Variants in PIK3C2G observed in about 807,000 individuals in gnomAD.
The protein encoded by PIK3C2G is phosphatidylinositol-4-phosphate 3-kinase catalytic subunit type 2 gamma.
In PIK3C2G, 168 loss-of-function variants were observed where a neutral mutation model predicts 181.1. The ratio of observed to expected loss-of-function variants is 0.93; its 90% CI spans 0.82 to 1.05. PIK3C2G has a LOEUF of 1.05. Ranked by LOEUF, PIK3C2G falls within the 50% of genes least tolerant of loss-of-function variation. The pLI, the probability that PIK3C2G is intolerant of heterozygous loss-of-function variation, is 0.00. For synonymous variants in PIK3C2G, 573 were observed against 592.2 expected (o/e 0.97, Z 0.47); for missense variants, 1,869 against 1,732.8 (o/e 1.08, Z -1.40).
intron 14 of PIK3C2G, 80 bp downstream of exon 14, chr12:18,381,960 T>C (rs1201647571): frequency 5.8e-6 from 5 of 868,714 alleles, no homozygotes; most frequent in Non-Finnish European, 9.8e-6. Context: ...ATAGAAACAA[T>C]TTCTTCCAGG....
intron 14 of PIK3C2G, among the ~76,000 whole-genome samples, chr12:18,382,159 G>A (rs1942884800): frequency 6.6e-6 from 1 of 152,016 alleles, no homozygotes; most frequent in Non-Finnish European, 1.5e-5. Flanking sequence ...CTCATTATGG[G>A]CATTCATTTT....
chr12:18,589,393 G>C (rs1300013115), intron 29 of PIK3C2G, among the ~76,000 whole-genome samples: 2 of 152,004 alleles, frequency 1.3e-5, no homozygotes, highest in African/African-American at 2.4e-5. Context: ...CCTTGCAGGA[G>C]CTTTGCTCTA....
Position 18,491,497 on chromosome 12 carries a change from A to T in PIK3C2G, c.2732A>T (p.Asp911Val). The change falls in exon 20 of 33, where the codon GAT (aspartate) becomes GTT (valine). Residue 911 changes from aspartate to valine, a missense_variant. Asp to Val is a radical substitution (Grantham distance 152). Coordinates refer to ENST00000538779, the MANE Select transcript of PIK3C2G (RefSeq NM_001288772.2). The stretch of plus-strand genomic sequence containing the variant: ...GGCAGACTAGAAGAGTTCTTTCAAG[A>T]TGTAAATACTTGTCATCTTCCTCTG... ...EIGRLEEFFQDVNTCHLPLNP... is the reference protein window; with the variant it reads ...EIGRLEEFFQVVNTCHLPLNP... The T allele has an allele frequency of 5.0e-6, 8 of 1,610,012 alleles. No individual in the cohort carries two copies. Among genetic ancestry groups the T allele is most frequent in the Non-Finnish European group, 5.9e-6 (7 of 1,176,552 alleles).
intron 26 of PIK3C2G, among the ~76,000 whole-genome samples, chr12:18,553,231 T>G (rs545901677): frequency 1.3e-5 from 2 of 152,304 alleles, no homozygotes; most frequent in Admixed American, 6.5e-5. Context: ...CTATTGATTT[T>G]TCTTTACTGT....
the PIK3C2G span, among the ~76,000 whole-genome samples, chr12:18,673,716 T>C: frequency 6.6e-6 from 1 of 152,138 alleles, no homozygotes; most frequent in Non-Finnish European, 1.5e-5. Flanking sequence ...CTACAAAGGG[T>C]CTGCAGTCTC....
the PIK3C2G span, among the ~76,000 whole-genome samples, chr12:18,670,922 C>A: frequency 6.6e-6 from 1 of 152,090 alleles, no homozygotes. Context: ...GTGGCTCATG[C>A]CTGTAATCCC....
Position 18,292,916 on chromosome 12 carries a change from A to G in PIK3C2G, c.920-985A>G, listed in dbSNP as rs74610570. Among the ~76,000 whole-genome samples, 489 of 152,292 alleles carry G rather than the reference A, an allele frequency of 3.2e-3. 2 individuals are homozygous for G. The highest frequency in any genetic ancestry group is 0.011 in the African/African-American group (472 of 41,576). On this transcript the variant is annotated intron_variant, in intron 4 of 32. Transcript: ENST00000538779. Reference sequence around the variant, plus strand: ...TAAGGGCACAGGCCTTGGAGTAAACAGATATTGTTTAAGTGTGACACTTAA... The same window carrying G: ...TAAGGGCACAGGCCTTGGAGTAAACGGATATTGTTTAAGTGTGACACTTAA...
chr12:18,268,091 T>C (rs2137035466), intron 1 of PIK3C2G, among the ~76,000 whole-genome samples: 1 of 152,266 alleles, frequency 6.6e-6, no homozygotes, highest in Admixed American at 6.5e-5. Context: ...ACCATTTCTT[T>C]ACCATTTTTT....
At chr12:18,555,000 T>C (rs1419692848) in intron 26 of PIK3C2G, among the ~76,000 whole-genome samples, 1 of 152,104 alleles carries the variant, frequency 6.6e-6, no homozygotes, top group African/African-American at 2.4e-5. Flanking sequence ...GGGGAGTCAG[T>C]CAATTGCAAC....
chr12:18,301,554 GTT>G (rs1397491346), intron 5 of PIK3C2G, among the ~76,000 whole-genome samples: 8 of 151,454 alleles, frequency 5.3e-5, no homozygotes, highest in Non-Finnish European at 1.0e-4. Flanking sequence ...CAGAATTTTT[GTT>G]TGTTCCTTTT....
At chr12:18,245,098 G>T (rs897591319), upstream of PIK3C2G, among the ~76,000 whole-genome samples, 3 of 152,036 alleles carry the variant, frequency 2.0e-5, no homozygotes, top group African/African-American at 7.2e-5. Flanking sequence ...AAGAGATTAC[G>T]TGGGCATCTG....
chr12:18,502,045 T>A (rs1254483114), intron 22 of PIK3C2G, among the ~76,000 whole-genome samples: 1 of 152,192 alleles, frequency 6.6e-6, no homozygotes, highest in Non-Finnish European at 1.5e-5. Flanking sequence ...GCTATCTCCC[T>A]TAACACACAT....
chr12:18,279,158 T>C (rs1005499328), intron 1 of PIK3C2G, among the ~76,000 whole-genome samples: 5 of 152,096 alleles, frequency 3.3e-5, no homozygotes, highest in Admixed American at 6.6e-5. Context: ...TGTTCACCCA[T>C]ATGCCTCCTT....
At chr12:18,474,303 C>A (rs1176308710) in intron 18 of PIK3C2G, among the ~76,000 whole-genome samples, 1 of 152,022 alleles carries the variant, frequency 6.6e-6, no homozygotes, top group East Asian at 1.9e-4. Context: ...TTAGCCTGTT[C>A]TTTGCCTATA....
At chr12:18,445,092 A>G (rs1176408470) in intron 18 of PIK3C2G, among the ~76,000 whole-genome samples, 1 of 152,142 alleles carries the variant, frequency 6.6e-6, no homozygotes, top group African/African-American at 2.4e-5. Flanking sequence ...GGGGAAAAAA[A>G]TGGATCCAAA....
At chr12:18,441,343 G>A (rs1946736038) in intron 18 of PIK3C2G, among the ~76,000 whole-genome samples, 1 of 152,168 alleles carries the variant, frequency 6.6e-6, no homozygotes, top group South Asian at 2.1e-4. Context: ...GGAAAGGGAA[G>A]AGAGAAATGT....
chr12:18,544,152 T>C (rs1415773754), intron 25 of PIK3C2G, among the ~76,000 whole-genome samples: 1 of 151,428 alleles, frequency 6.6e-6, no homozygotes, highest in Non-Finnish European at 1.5e-5. Context: ...GAGAGAAAAA[T>C]GTATGTGTGG....
At chr12:18,705,174 A>T in the PIK3C2G span, 1 of 1,613,978 alleles carries the variant, frequency 6.2e-7, no homozygotes. Context: ...ACCTCTGGTG[A>T]TGGTAGAGTA....
At chr12:18,538,583 A>G (rs1253733248) in intron 25 of PIK3C2G, among the ~76,000 whole-genome samples, 2 of 152,012 alleles carry the variant, frequency 1.3e-5, no homozygotes, top group Non-Finnish European at 2.9e-5. Flanking sequence ...ATGTTCAAGG[A>G]CAGTAATTTT....
Sources: gnomAD v4.1 joint callset for allele counts (sites outside exome capture counted in the v4.1 genomes callset) on GRCh38, gnomAD v4.1.1 for gene constraint, MANE v1.5 for transcripts, NCBI Gene and HGNC (gene_info 2026-07-23, HGNC 2026-07-21) for gene names.